Variants in TMEM232 observed in about 807,000 individuals in gnomAD.
TMEM232 encodes the protein transmembrane protein 232.
A neutral mutation model predicts 78.8 loss-of-function variants in TMEM232; 80 were observed. That is an observed-to-expected ratio of 1.01 (90% CI 0.85 to 1.22). TMEM232 has a LOEUF of 1.22. TMEM232 is among the 50% of genes most tolerant of loss of function. The probability of loss-of-function intolerance (pLI) is 0.00; values close to 1 mark genes in which losing one functional copy is unlikely to be tolerated. For missense variants in TMEM232, 881 were observed against 742.2 expected, an observed-to-expected ratio of 1.19 and a Z score of -2.17; for synonymous variants, 297 against 254.3, an observed-to-expected ratio of 1.17 and a Z score of -1.60.
intron 12 of TMEM232, among the ~76,000 whole-genome samples, chr5:110,486,657 C>A (rs549341089): frequency 6.6e-6 from 1 of 152,246 alleles, no homozygotes; most frequent in Admixed American, 6.6e-5. Flanking sequence ...ATTCTCTATT[C>A]TGTTCCATTG....
chr5:110,546,012 C>T (rs1773734899), intron 11 of TMEM232, among the ~76,000 whole-genome samples: 1 of 151,984 alleles, frequency 6.6e-6, no homozygotes, highest in Admixed American at 6.6e-5. Context: ...TTATTTCTTT[C>T]CCAAATACTC....
At chr5:110,486,312 CTTTAG>C (rs776745360) in intron 12 of TMEM232, among the ~76,000 whole-genome samples, 1 of 152,008 alleles carries the variant, frequency 6.6e-6, no homozygotes, top group South Asian at 2.1e-4. Context: ...TGCAAAAGCT[CTTTAG>C]TTTAATTAGG....
intron 2 of TMEM232, among the ~76,000 whole-genome samples, chr5:110,405,702 T>C (rs1755764909): frequency 7.7e-6 from 1 of 130,348 alleles, no homozygotes; most frequent in South Asian, 2.4e-4. Context: ...GATGGATCAA[T>C]ATAAAACATC....
At chr5:110,517,174 G>C (rs1768798348) in intron 12 of TMEM232, among the ~76,000 whole-genome samples, 1 of 152,176 alleles carries the variant, frequency 6.6e-6, no homozygotes, top group African/African-American at 2.4e-5. Flanking sequence ...AAAAAGAACT[G>C]TATGATTTAA....
At chr5:110,486,260 C>T (rs1315641117) in intron 12 of TMEM232, among the ~76,000 whole-genome samples, 3 of 151,912 alleles carry the variant, frequency 2.0e-5, no homozygotes, top group Admixed American at 6.6e-5. Context: ...TCCTCCCACT[C>T]TGTGGGTTGT....
intron 9 of TMEM232, 53 bp downstream of exon 9, chr5:110,606,111 A>T (rs2149831861): frequency 6.8e-7 from 1 of 1,479,478 alleles, no homozygotes; most frequent in East Asian, 2.5e-5. Context: ...AGTGGCAAAA[A>T]TAAAATCTGT....
intron 1 of TMEM232, among the ~76,000 whole-genome samples, chr5:110,715,293 C>G (rs908083803): frequency 1.3e-5 from 2 of 151,382 alleles, no homozygotes; most frequent in African/African-American, 4.9e-5. Context: ...TGAAAAAAAA[C>G]CATAGGCTGA....
In TMEM232 at chr5:110,445,840, G is replaced by C. The variant is rs562071817; in HGVS notation, c.1704-20924C>G. On this transcript the variant is annotated intron_variant, in intron 12 of 13. Transcript: ENST00000455884. ...TCAGAGCAGCTCAACATGACAATTG[G>C]TTTATTTCAGAGGAGTGAGTGAATG... Among the ~76,000 whole-genome samples the C allele has an allele frequency of 7.6e-4, 116 of 152,232 alleles. 1 individual carries two copies. Among genetic ancestry groups the C allele is most frequent in the Non-Finnish European group, 1.1e-3 (75 of 68,000 alleles).
intron 12 of TMEM232, among the ~76,000 whole-genome samples, chr5:110,515,030 A>C (rs1768396175): frequency 6.6e-6 from 1 of 152,252 alleles, no homozygotes; most frequent in Non-Finnish European, 1.5e-5. Flanking sequence ...AGGGAGAAGA[A>C]AACAGCACAG....
chr5:110,488,636 AAC>A (rs1230643307), intron 12 of TMEM232, among the ~76,000 whole-genome samples: 4 of 152,198 alleles, frequency 2.6e-5, no homozygotes, highest in African/African-American at 9.6e-5. Context: ...TCAACGACTT[AAC>A]CTTCCACCAT....
intron 12 of TMEM232, among the ~76,000 whole-genome samples, chr5:110,458,330 G>T (rs1031921255): frequency 6.6e-6 from 1 of 151,114 alleles, no homozygotes; most frequent in African/African-American, 2.4e-5. Flanking sequence ...AAGATCATAT[G>T]TTGGCTTTGA....
chr5:110,677,504 T>A (rs901471893), intron 1 of TMEM232, among the ~76,000 whole-genome samples: 8 of 152,212 alleles, frequency 5.3e-5, no homozygotes, highest in Admixed American at 2.6e-4. Flanking sequence ...ATCTCATAAT[T>A]TAGCAATTAT....
chr5:110,431,802 T>C (rs555670691), intron 12 of TMEM232, among the ~76,000 whole-genome samples: 11 of 151,528 alleles, frequency 7.3e-5, no homozygotes, highest in Admixed American at 3.3e-4. Context: ...GATTGGTGAA[T>C]TGGAAGATAG....
chr5:110,635,414 AC>A (rs1345826663), intron 5 of TMEM232, among the ~76,000 whole-genome samples: 1 of 152,138 alleles, frequency 6.6e-6, no homozygotes, highest in Non-Finnish European at 1.5e-5. Flanking sequence ...TCCCTAATGC[AC>A]ATAGACTCCA....
intron 12 of TMEM232, among the ~76,000 whole-genome samples, chr5:110,522,141 T>TAC (rs1158481688): frequency 6.6e-6 from 1 of 152,122 alleles, no homozygotes; most frequent in East Asian, 1.9e-4. Flanking sequence ...TTTACATCCT[T>TAC]ATTTAAGTTT....
At chr5:110,407,765 A>G (rs1755843927) in intron 2 of TMEM232, among the ~76,000 whole-genome samples, 1 of 152,196 alleles carries the variant, frequency 6.6e-6, no homozygotes, top group Non-Finnish European at 1.5e-5. Context: ...AGAAGAGACC[A>G]CATGTTAAGC....
chr5:110,558,612 T>C (rs1775390493), intron 11 of TMEM232, among the ~76,000 whole-genome samples: 1 of 151,998 alleles, frequency 6.6e-6, no homozygotes, highest in Admixed American at 6.6e-5. Context: ...ACTAGCCTCA[T>C]CCCACAGGTA....
At chr5:110,738,295 G>A (rs1799426064), upstream of TMEM232, 2 of 1,258,746 alleles carry the variant, frequency 1.6e-6, no homozygotes, top group Middle Eastern at 2.7e-4. Context: ...TCAATTAGAG[G>A]TCCCAATTTT....
In TMEM232 at chr5:110,420,566, A is replaced by ATTTTC; in HGVS notation, c.*9_*13dup. 1 of 1,439,604 alleles carries ATTTTC rather than the reference A, an allele frequency of 6.9e-7. No individual in the cohort carries two copies. The highest frequency in any genetic ancestry group is 2.8e-5 in the East Asian group (1 of 36,114). 89.2% of individuals were successfully genotyped at this position (1,439,604 alleles called of 1,614,324 possible). ...GTAGTCCTCAATTTTGGGAGGTGAC[A>ATTTTC]TTTTCTTTTCTAATTAAATTACTTC... On this transcript the variant is annotated 3_prime_UTR_variant, in exon 14 of 14. Transcript: ENST00000455884.
Sources: gnomAD v4.1 joint callset for allele counts (sites outside exome capture counted in the v4.1 genomes callset) on GRCh38, gnomAD v4.1.1 for gene constraint, MANE v1.5 for transcripts, NCBI Gene and HGNC (gene_info 2026-07-23, HGNC 2026-07-21) for gene names.